ZFPM2: variants seen among roughly 807,000 people sequenced by gnomAD.
ZFPM2 encodes zinc finger protein ZFPM2.
In ZFPM2, 20 loss-of-function variants were observed where a neutral mutation model predicts 98.6. The ratio of observed to expected loss-of-function variants is 0.20; its 90% CI spans 0.14 to 0.29. The LOEUF (loss-of-function observed/expected upper bound fraction) is 0.29, where lower values mean the gene tolerates loss of function less well. Among genes scored for constraint, ZFPM2 ranks in the 10% least tolerant of loss-of-function variants. The pLI is 1.00. For synonymous variants in ZFPM2, 518 were observed against 502.7 expected, an observed-to-expected ratio of 1.03 and a Z score of -0.41; for missense variants, 1,310 against 1,388.6, an observed-to-expected ratio of 0.94 and a Z score of 0.90.
At position 105,517,316 on chromosome 8, in the gene ZFPM2, C is replaced by T. The variant is rs531480685; in HGVS notation, c.302-44047C>T. Among the ~76,000 whole-genome samples the T allele has an allele frequency of 2.2e-4, 34 of 152,162 alleles. No homozygotes were observed. The South Asian group carries it at 3.7e-3, about 17-fold the overall frequency. On this transcript the variant is annotated intron_variant, in intron 3 of 7. Coordinates refer to ENST00000407775, the MANE Select transcript of ZFPM2 (RefSeq NM_012082.4). ...CATGTCCAAATATACTCAGGATACACGCTGTTACTCTTAAAAGTGATTTTC... is the reference window on the plus strand; with the variant it reads ...CATGTCCAAATATACTCAGGATACATGCTGTTACTCTTAAAAGTGATTTTC...
At chr8:105,574,409 A>G (rs1411768554) in intron 4 of ZFPM2, among the ~76,000 whole-genome samples, 1 of 152,218 alleles carries the variant, frequency 6.6e-6, no homozygotes, top group Non-Finnish European at 1.5e-5. Flanking sequence ...GTAGGGAGTT[A>G]TTCTTCAGAA....
intron 3 of ZFPM2, among the ~76,000 whole-genome samples, chr8:105,491,762 G>A (rs1813360357): frequency 6.6e-6 from 1 of 152,110 alleles, no homozygotes; most frequent in Non-Finnish European, 1.5e-5. Flanking sequence ...CAGAAGGACA[G>A]GATAGAATAG....
chr8:105,323,144 TTCTTC>T (rs1277861826), intron 1 of ZFPM2, among the ~76,000 whole-genome samples: 1 of 151,884 alleles, frequency 6.6e-6, no homozygotes, highest in Non-Finnish European at 1.5e-5. Context: ...TTAAAAGTCT[TTCTTC>T]TATTGATATT....
chr8:105,336,682 T>G (rs1812330269), intron 1 of ZFPM2, among the ~76,000 whole-genome samples: 1 of 129,548 alleles, frequency 7.7e-6, no homozygotes, highest in African/African-American at 3.1e-5. Context: ...TAAAATGTAA[T>G]ATACTCCACA....
rs142230291 is a variant in ZFPM2 at position 105,429,445 on chromosome 8, A to AATATATAT, written c.199+10156_199+10163dup. Among the ~76,000 whole-genome samples the AATATATAT allele has an allele frequency of 1.8e-3, 253 of 138,392 alleles. 14 individuals are homozygous for AATATATAT. Among genetic ancestry groups the AATATATAT allele is most frequent in the African/African-American group, 7.3e-3 (234 of 32,046 alleles). The allele number at this position is 138,392 out of a possible 152,430, so 90.8% of individuals were successfully genotyped here. ...AAAACGTGCACAAGTTAGACAAGGA[A>AATATATAT]ATATATATATATATATATATGGAAA... On this transcript the variant is annotated intron_variant, in intron 2 of 7. Coordinates refer to ENST00000407775, the MANE Select transcript of ZFPM2 (RefSeq NM_012082.4).
chr8:105,570,320 A>T (rs1305812193), intron 4 of ZFPM2, among the ~76,000 whole-genome samples: 3 of 148,732 alleles, frequency 2.0e-5, no homozygotes, highest in African/African-American at 7.4e-5. Flanking sequence ...ATTTTTATTT[A>T]TTTTTTTTTT....
At chr8:105,346,563 A>G (rs1482429158) in intron 1 of ZFPM2, among the ~76,000 whole-genome samples, 2 of 152,190 alleles carry the variant, frequency 1.3e-5, no homozygotes, top group East Asian at 3.9e-4. Context: ...TGTGCAATAC[A>G]TATTACTTCT....
At chr8:105,558,488 T>G (rs774851564) in intron 3 of ZFPM2, among the ~76,000 whole-genome samples, 68 of 152,142 alleles carry the variant, frequency 4.5e-4, no homozygotes, top group Admixed American at 7.9e-4. Context: ...AAAAGTATTT[T>G]TGGTCTGCTT....
intron 3 of ZFPM2, among the ~76,000 whole-genome samples, chr8:105,515,916 T>C (rs1424411693): frequency 9.3e-4 from 131 of 140,544 alleles, no homozygotes; most frequent in African/African-American, 3.3e-3. Context: ...AACTTCTTTT[T>C]TTTTTTTTTT....
intron 5 of ZFPM2, among the ~76,000 whole-genome samples, chr8:105,736,886 A>G (rs886085682): frequency 6.6e-6 from 1 of 152,088 alleles, no homozygotes; most frequent in African/African-American, 2.4e-5. Flanking sequence ...ACCAGATAAA[A>G]TATCAGTTTC....
chr8:105,564,026 T>G (rs1008713653), intron 4 of ZFPM2, among the ~76,000 whole-genome samples: 2 of 152,136 alleles, frequency 1.3e-5, no homozygotes, highest in Admixed American at 6.6e-5. Flanking sequence ...TAAATCGTGA[T>G]GGATAGAAGA....
intron 1 of ZFPM2, among the ~76,000 whole-genome samples, chr8:105,328,390 C>A (rs1812153941): frequency 6.6e-6 from 1 of 151,426 alleles, no homozygotes; most frequent in Non-Finnish European, 1.5e-5. Context: ...CTAATGCCAA[C>A]ATAGAATGCT....
intron 1 of ZFPM2, among the ~76,000 whole-genome samples, chr8:105,351,353 T>TTGTG (rs1472458011): frequency 2.7e-5 from 2 of 74,082 alleles, no homozygotes; most frequent in Non-Finnish European, 5.9e-5. Flanking sequence ...TTGCATTATT[T>TTGTG]CGTGTGTGTG....
chr8:105,432,196 T>G (rs1812034546), intron 2 of ZFPM2, among the ~76,000 whole-genome samples: 1 of 152,012 alleles, frequency 6.6e-6, no homozygotes, highest in East Asian at 1.9e-4. Flanking sequence ...ATTGCAAATC[T>G]GAGCTTTCCA....
In ZFPM2 at chr8:105,527,034, G is replaced by A. The variant is rs76615944; in HGVS notation, c.302-34329G>A. ...TTTCCTAGGGTTGTTATGAGGAAAC[G>A]AGGAAAGACTACTTGCAAATTGCAT... On this transcript the variant is annotated intron_variant, in intron 3 of 7. Coordinates refer to ENST00000407775, the MANE Select transcript of ZFPM2 (RefSeq NM_012082.4). Among the ~76,000 whole-genome samples, 630 of 152,182 alleles carry A rather than the reference G, an allele frequency of 4.1e-3. 4 individuals are homozygous for A. Among genetic ancestry groups the A allele is most frequent in the African/African-American group, 0.014 (593 of 41,528 alleles).
At chr8:105,494,183 G>GTATATATATATATATATATATA (rs61035457) in intron 3 of ZFPM2, among the ~76,000 whole-genome samples, 2 of 60,006 alleles carry the variant, frequency 3.3e-5, no homozygotes, top group East Asian at 8.2e-4. Context: ...GCCACCAAAA[G>GTATATATATATATATATATATA]TATATATATA....
chr8:105,630,852 G>A lies in ZFPM2; in HGVS notation c.421-3394G>A, dbSNP rs957580542. 4.6e-5 allele frequency among the ~76,000 whole-genome samples: 7 copies of A among 152,272 alleles called. No individual in the cohort carries two copies. The East Asian group carries it at 7.7e-4, about 17-fold the overall frequency. ...TAATATTGTTTTAGTAGTAGTAGTGGTGGTTGGAGGGAGGGGGGAGTGGAA... is the reference window on the plus strand; with the variant it reads ...TAATATTGTTTTAGTAGTAGTAGTGATGGTTGGAGGGAGGGGGGAGTGGAA... On this transcript the variant is annotated intron_variant, in intron 4 of 7. Coordinates refer to ENST00000407775, the MANE Select transcript of ZFPM2 (RefSeq NM_012082.4).
At chr8:105,461,652 T>C (rs1202604237) in intron 3 of ZFPM2, among the ~76,000 whole-genome samples, 5 of 152,206 alleles carry the variant, frequency 3.3e-5, no homozygotes, top group African/African-American at 9.6e-5. Flanking sequence ...TTCTGTGATC[T>C]TTTTAGCATT....
chr8:105,480,536 C>A (rs887752424), intron 3 of ZFPM2, among the ~76,000 whole-genome samples: 3 of 152,064 alleles, frequency 2.0e-5, no homozygotes, highest in Admixed American at 1.3e-4. Context: ...ACCCTTAATA[C>A]CAACTAGACT....
Sources: gnomAD v4.1 joint callset for allele counts (sites outside exome capture counted in the v4.1 genomes callset) on GRCh38, gnomAD v4.1.1 for gene constraint, MANE v1.5 for transcripts, NCBI Gene and HGNC (gene_info 2026-07-23, HGNC 2026-07-21) for gene names.